DOCK2: variants seen among roughly 807,000 people sequenced by gnomAD.
DOCK2 encodes dedicator of cytokinesis protein 2.
A neutral mutation model predicts 248.9 loss-of-function variants in DOCK2; 87 were observed. The ratio of observed to expected loss-of-function variants is 0.35; its 90% CI spans 0.29 to 0.42. The LOEUF (loss-of-function observed/expected upper bound fraction) is 0.42. Among genes scored for constraint, DOCK2 ranks in the 10% least tolerant of loss-of-function variants. DOCK2 has a pLI of 1.00. For synonymous variants in DOCK2, 805 were observed against 821.6 expected (o/e 0.98, Z 0.35); for missense variants, 1,747 against 2,300.2 (o/e 0.76, Z 4.92).
chr5:169,909,896 G>T (rs962844038), intron 27 of DOCK2, among the ~76,000 whole-genome samples: 1 of 152,126 alleles, frequency 6.6e-6, no homozygotes, highest in African/African-American at 2.4e-5. Context: ...TTTACTTGGG[G>T]CTAATCCTCT....
chr5:169,740,888 T>G (rs953410720), intron 22 of DOCK2, among the ~76,000 whole-genome samples: 1 of 152,170 alleles, frequency 6.6e-6, no homozygotes, highest in African/African-American at 2.4e-5. Flanking sequence ...TAGGCTGGAG[T>G]GCAGTGGCTT....
At chr5:169,946,833 T>C (rs1034224461) in intron 27 of DOCK2, among the ~76,000 whole-genome samples, 10 of 152,084 alleles carry the variant, frequency 6.6e-5, no homozygotes, top group African/African-American at 2.4e-4. Flanking sequence ...GGCAGTGACA[T>C]GGAAAGGGCC....
intron 22 of DOCK2, among the ~76,000 whole-genome samples, chr5:169,738,448 C>T (rs900093753): frequency 6.6e-5 from 10 of 152,152 alleles, no homozygotes; most frequent in African/African-American, 2.4e-4. Context: ...GTCTTGATGA[C>T]TCAATAACTT....
intron 25 of DOCK2, among the ~76,000 whole-genome samples, chr5:169,767,890 C>T (rs934493524): frequency 1.3e-5 from 2 of 152,158 alleles, no homozygotes; most frequent in South Asian, 4.1e-4. Context: ...TCAAATATTA[C>T]ACAACGTATT....
At chr5:169,753,810 T>C (rs933335704) in intron 23 of DOCK2, among the ~76,000 whole-genome samples, 10 of 152,220 alleles carry the variant, frequency 6.6e-5, no homozygotes, top group Non-Finnish European at 1.5e-4. Context: ...GAGAGCTGCA[T>C]TTATTTTCCT....
intron 34 of DOCK2, among the ~76,000 whole-genome samples, chr5:170,033,196 A>G (rs1440143338): frequency 1.3e-5 from 2 of 152,164 alleles, no homozygotes; most frequent in East Asian, 3.9e-4. Context: ...CAAAATTTTA[A>G]CCCATCTGTT....
chr5:169,887,141 G>A (rs1406100433), intron 27 of DOCK2, among the ~76,000 whole-genome samples: 1 of 152,148 alleles, frequency 6.6e-6, no homozygotes, highest in Non-Finnish European at 1.5e-5. Flanking sequence ...TTCAGGACTG[G>A]AAAGATTAAT....
In DOCK2 at chr5:169,718,654, C is replaced by T. The variant is rs1581089902; in HGVS notation, c.2133-3C>T. 6.2e-7 allele frequency: 1 copy of T among 1,609,598 alleles called. No homozygotes were observed. The highest frequency in any genetic ancestry group is 2.2e-5 in the East Asian group (1 of 44,750). On this transcript the variant is annotated splice_region_variant and splice_polypyrimidine_tract_variant and intron_variant, in intron 21 of 51. Coordinates refer to ENST00000520908, the MANE Select transcript of DOCK2 (RefSeq NM_004946.3). ...TATTTTGAAAATATTATCCCTTATT[C>T]AGGAAATTGATGACAGTGCTGAAGA... is the stretch of plus-strand genomic sequence containing the variant.
At chr5:170,070,640 C>T (rs1408005608) in intron 46 of DOCK2, among the ~76,000 whole-genome samples, 1 of 152,188 alleles carries the variant, frequency 6.6e-6, no homozygotes, top group Non-Finnish European at 1.5e-5. Context: ...TTGACTCGTT[C>T]CCATCCTCAG....
At chr5:169,671,730 C>G (rs1759058568) in intron 5 of DOCK2, among the ~76,000 whole-genome samples, 1 of 152,194 alleles carries the variant, frequency 6.6e-6, no homozygotes. Flanking sequence ...GCTAAGCAAA[C>G]CATTAAGCTG....
chr5:169,687,857 A>G (rs879307618), intron 8 of DOCK2, among the ~76,000 whole-genome samples: 2 of 152,174 alleles, frequency 1.3e-5, no homozygotes, highest in African/African-American at 2.4e-5. Flanking sequence ...TGAATGGCCT[A>G]TAAAGCCTAT....
chr5:169,862,352 T>G (rs1339520890), intron 27 of DOCK2, among the ~76,000 whole-genome samples: 2 of 152,230 alleles, frequency 1.3e-5, no homozygotes, highest in African/African-American at 2.4e-5. Flanking sequence ...TAAATTCACA[T>G]GAAATTAGCG....
intron 25 of DOCK2, among the ~76,000 whole-genome samples, chr5:169,781,093 C>T (rs746223749): frequency 6.6e-6 from 1 of 152,188 alleles, no homozygotes; most frequent in Non-Finnish European, 1.5e-5. Context: ...GATGCCATTC[C>T]GTCACGAGGT....
chr5:169,666,451 G>C lies in DOCK2; in HGVS notation c.128-2837G>C, dbSNP rs150349004. Among the ~76,000 whole-genome samples, 442 of 152,288 alleles carry C rather than the reference G, an allele frequency of 2.9e-3. 4 individuals are homozygous for C. Among genetic ancestry groups the C allele is most frequent in the African/African-American group, 0.01 (419 of 41,556 alleles). On this transcript the variant is annotated intron_variant, in intron 2 of 51. Coordinates refer to ENST00000520908, the MANE Select transcript of DOCK2 (RefSeq NM_004946.3). ...CCTTGTTATTGTTGAATTCAAAAGA[G>C]TGTTGAACTCAGGAGCGGGTTCTGG...
intron 17 of DOCK2, among the ~76,000 whole-genome samples, chr5:169,712,674 A>G (rs770416282): frequency 1.3e-5 from 2 of 152,162 alleles, no homozygotes; most frequent in African/African-American, 2.4e-5. Context: ...GACTCATCTC[A>G]CATATTTTCC....
At chr5:170,021,632 T>A (rs1412479628) in intron 33 of DOCK2, among the ~76,000 whole-genome samples, 2 of 152,182 alleles carry the variant, frequency 1.3e-5, no homozygotes, top group Non-Finnish European at 2.9e-5. Context: ...CAGTGTGCAT[T>A]CATTCTGAGC....
intron 41 of DOCK2, among the ~76,000 whole-genome samples, chr5:170,052,720 A>G (rs1196251500): frequency 2.0e-5 from 3 of 152,250 alleles, no homozygotes; most frequent in Non-Finnish European, 4.4e-5. Flanking sequence ...ATTGATGAAC[A>G]GCATTCTCTT....
Position 169,720,228 on chromosome 5 carries a change from C to T in DOCK2, c.2267+1437C>T, listed in dbSNP as rs536109593. 9.8e-5 allele frequency among the ~76,000 whole-genome samples: 15 copies of T among 152,322 alleles called. No individual in the cohort carries two copies. The South Asian group carries it at 2.9e-3, about 29-fold the overall frequency. Reference sequence around the variant, plus strand: ...CAGTGATTTGGGAAAACCAATGAGACTCCAGTGAATCTAAGAGTGATTTTC... The same window carrying T: ...CAGTGATTTGGGAAAACCAATGAGATTCCAGTGAATCTAAGAGTGATTTTC... On this transcript the variant is annotated intron_variant, in intron 22 of 51. Coordinates refer to ENST00000520908, the MANE Select transcript of DOCK2 (RefSeq NM_004946.3).
intron 27 of DOCK2, 119 bp downstream of exon 27, chr5:169,840,971 A>T (rs890608936): frequency 8.9e-7 from 1 of 1,120,356 alleles, no homozygotes; most frequent in Admixed American, 2.2e-5. Context: ...GTTTTGGAGT[A>T]GGGTGACCAG....
Sources: allele counts gnomAD v4.1 joint callset (sites outside exome capture counted in the v4.1 genomes callset), GRCh38; gene constraint gnomAD v4.1.1; transcripts MANE v1.5; gene names NCBI Gene and HGNC (gene_info 2026-07-23, HGNC 2026-07-21).